Variants in EDC4 observed in about 807,000 individuals in gnomAD.
EDC4 encodes the protein enhancer of mRNA-decapping protein 4.
Under a neutral mutation model 155.8 loss-of-function variants are expected in EDC4, and 64 were observed. That is an observed-to-expected ratio of 0.41 (90% CI 0.34 to 0.51). EDC4 has a LOEUF of 0.51. EDC4 is among the 20% of genes least tolerant of loss of function. The probability of loss-of-function intolerance (pLI) is 0.19; values close to 1 mark genes in which losing one functional copy is unlikely to be tolerated. For synonymous variants in EDC4, 684 were observed against 716.8 expected (o/e 0.95, Z 0.73); for missense variants, 1,303 against 1,812.5 (o/e 0.72, Z 5.10).
In EDC4 at chr16:67,883,451, C is replaced by T. The variant is rs1292388030; in HGVS notation, c.3850-117C>T. On this transcript the variant is annotated intron_variant, in intron 27 of 28. Coordinates refer to ENST00000358933, the MANE Select transcript of EDC4 (RefSeq NM_014329.5). This position sits in a 1 kb window ranked among gnomAD's most constrained non-coding sequence, Gnocchi z 5.3. ...AGCCCTACAGGCTCTCTCTGAGTCC[C>T]TCTGGAGCTCTCACTAGCCCACCCT... is the stretch of plus-strand genomic sequence containing the variant. The T allele has an allele frequency of 2.7e-6, 4 of 1,482,348 alleles. No homozygotes were observed. In the African/African-American group the frequency reaches 5.5e-5, roughly 20 times the overall value. 91.8% of individuals were successfully genotyped at this position (1,482,348 alleles called of 1,614,324 possible). A position where few individuals can be genotyped will look rare whatever the true frequency, so the allele number is the denominator to read the frequency against.
chr16:67,883,208 C>G lies in EDC4; in HGVS notation c.3849+31C>G, dbSNP rs779536697. 1 of 1,529,908 alleles carries G rather than the reference C, an allele frequency of 6.5e-7. No homozygotes were observed. 94.8% of individuals were successfully genotyped at this position (1,529,908 alleles called of 1,614,324 possible). On this transcript the variant is annotated intron_variant, in intron 27 of 28. Transcript: ENST00000358933. The surrounding 1 kb of genome is among the most constrained non-coding windows in gnomAD (Gnocchi z 5.3). ...ATAGGCATTAGGCCCTGCTAAGGGTCACGTGTCTCTTGACAAGGCCCACAT... is the reference window on the plus strand; with the variant it reads ...ATAGGCATTAGGCCCTGCTAAGGGTGACGTGTCTCTTGACAAGGCCCACAT...
Position 67,882,380 on chromosome 16 carries a change from G to A in EDC4, c.3277-49G>A. ...AGGTGGTGGTTCCTGGGCCTAGTCA[G>A]GCCAGGCTGGGCTCAGGCTTTCAAC... is the stretch of plus-strand genomic sequence containing the variant. On this transcript the variant is annotated intron_variant, in intron 24 of 28. Coordinates refer to ENST00000358933, the MANE Select transcript of EDC4 (RefSeq NM_014329.5). This position sits in a 1 kb window ranked among gnomAD's most constrained non-coding sequence, Gnocchi z 7.2. The A allele has an allele frequency of 1.2e-6, 2 of 1,612,832 alleles. No homozygotes were observed.
In EDC4 at chr16:67,883,791, C is replaced by G; in HGVS notation, c.4013+60C>G. On this transcript the variant is annotated intron_variant, in intron 28 of 28. Transcript: ENST00000358933. The surrounding 1 kb of genome is among the most constrained non-coding windows in gnomAD (Gnocchi z 5.3). ...TGGGGAGTGGGGCAGTGGGAGGGAG[C>G]AGTTTGAAGCTGACGCCCACTTCTG... 1 of 1,584,330 alleles carries G rather than the reference C, an allele frequency of 6.3e-7. No individual in the cohort carries two copies. The highest frequency in any genetic ancestry group is 8.6e-7 in the Non-Finnish European group (1 of 1,158,182).
intron 1 of EDC4, chr16:67,875,736 A>G (rs2058038751): frequency 2.9e-6 from 4 of 1,372,488 alleles, no homozygotes; most frequent in Non-Finnish European, 3.8e-6. Flanking sequence ...CCCCTCCCCC[A>G]GGTAGAAGAG....
chr16:67,875,650 C>T (rs1297144705), intron 1 of EDC4: 4 of 1,023,260 alleles, frequency 3.9e-6, no homozygotes, highest in African/African-American at 3.3e-5. Context: ...TATGCCCTCA[C>T]TCAGTCCACA....
chr16:67,881,949 C>T lies in EDC4; in HGVS notation c.3005-5C>T, dbSNP rs771211408. On this transcript the variant is annotated splice_polypyrimidine_tract_variant and splice_region_variant and intron_variant, in intron 22 of 28. Transcript: ENST00000358933. This position sits in a 1 kb window ranked among gnomAD's most constrained non-coding sequence, Gnocchi z 5.4. The stretch of plus-strand genomic sequence containing the variant: ...CTCCAGGCCCGTTCCTTAGCTATGG[C>T]GCAGAGCGGCGGCTGGAGCGAGCAC... 2.1e-5 allele frequency: 34 copies of T among 1,606,402 alleles called. No individual in the cohort carries two copies. In the South Asian group the frequency reaches 3.5e-4, roughly 17 times the overall value.
chr16:67,881,486 G>A lies in EDC4; in HGVS notation c.2790-11G>A. Reference sequence around the variant, plus strand: ...CCTCACATAGCCTGAGGTGCTTCTCGCCTATGGCAGGGATGCAGCCATGGG... The same window carrying A: ...CCTCACATAGCCTGAGGTGCTTCTCACCTATGGCAGGGATGCAGCCATGGG... On this transcript the variant is annotated splice_polypyrimidine_tract_variant and intron_variant, in intron 20 of 28. Transcript: ENST00000358933. The surrounding 1 kb of genome is among the most constrained non-coding windows in gnomAD (Gnocchi z 5.4). The A allele has an allele frequency of 1.9e-6, 3 of 1,614,116 alleles. No homozygotes were observed. Among genetic ancestry groups the A allele is most frequent in the Non-Finnish European group, 1.7e-6 (2 of 1,180,026 alleles).
chr16:67,878,207 G>A lies in EDC4; in HGVS notation c.936G>A (p.Leu312=), dbSNP rs763618971. The change falls in exon 8 of 29, where the codon CTG becomes CTA. Residue 312 remains leucine, a synonymous_variant. Transcript: ENST00000358933. This position sits in a 1 kb window ranked among gnomAD's most constrained non-coding sequence, Gnocchi z 5.2. ...CCCTCTCTCCTGATGGGACTGTGCTGGCTACTGCGAGCCACGATGGCTATG... is the reference window on the plus strand; with the variant it reads ...CCCTCTCTCCTGATGGGACTGTGCTAGCTACTGCGAGCCACGATGGCTATG... ...EGALSPDGTV[L]ATASHDGYVK... is the part of the protein sequence containing the mutation. The A allele has an allele frequency of 1.9e-6, 3 of 1,614,164 alleles. No homozygotes were observed. Among genetic ancestry groups the A allele is most frequent in the Non-Finnish European group, 8.5e-7 (1 of 1,180,036 alleles).
chr16:67,877,265 C>T lies in EDC4; in HGVS notation c.500C>T (p.Ser167Leu), dbSNP rs1488752541. 3.1e-6 allele frequency: 5 copies of T among 1,614,182 alleles called. No individual in the cohort carries two copies. The highest frequency in any genetic ancestry group is 1.7e-5 in the Admixed American group (1 of 60,028). ...GTGCGGGTGATCAGCGTCAGCACTT[C>T]GGAGCGGACCTTGCTCAAGGGCTTC... ...AMVRVISVST[S>L]ERTLLKGFTG... Residue 167 changes from serine (S) to leucine (L), a missense_variant, in exon 5 of 29, where the codon TCG becomes TTG. Physicochemically the swap from Ser to Leu is moderately radical, Grantham distance 145. This residue lies in a region of EDC4 where 51 missense variants were observed against 121.1 expected (regional missense o/e 0.42). Transcript: ENST00000358933. The surrounding 1 kb of genome is among the most constrained non-coding windows in gnomAD (Gnocchi z 4.9).
Position 67,879,334 on chromosome 16 carries a change from G to A in EDC4, c.1541+25G>A. On this transcript the variant is annotated intron_variant, in intron 13 of 28. Transcript: ENST00000358933. This position sits in a 1 kb window ranked among gnomAD's most constrained non-coding sequence, Gnocchi z 6.0. Reference sequence around the variant, plus strand: ...AGTGAGTGAGTGGGGAGGCCCGCCAGTGTCCTGTCTGTGTCTGTCTCCACT... The same window carrying A: ...AGTGAGTGAGTGGGGAGGCCCGCCAATGTCCTGTCTGTGTCTGTCTCCACT... 1 of 1,614,228 alleles carries A rather than the reference G, an allele frequency of 6.2e-7. No homozygotes were observed. The highest frequency in any genetic ancestry group is 1.1e-5 in the South Asian group (1 of 91,092).
chr16:67,878,543 T>C lies in EDC4; in HGVS notation c.1096T>C (p.Phe366Leu). 1 of 1,614,222 alleles carries C rather than the reference T, an allele frequency of 6.2e-7. No individual in the cohort carries two copies. Among genetic ancestry groups the C allele is most frequent in the Non-Finnish European group, 8.5e-7 (1 of 1,180,028 alleles). The change falls in exon 10 of 29, where the codon TTC (phenylalanine) becomes CTC (leucine). Residue 366 changes from phenylalanine to leucine, a missense_variant. Transcript: ENST00000358933. This position sits in a 1 kb window ranked among gnomAD's most constrained non-coding sequence, Gnocchi z 5.2. ...TGCCTTGTTGCCTTGCAGTGTCCCT[T>C]TCTGGAGGTTCCTTATTACTGGTGC... ...NHKKQDPDVP[F>L]WRFLITGADQ...
At position 67,877,247 on chromosome 16, in the gene EDC4, T is replaced by TC; in HGVS notation, c.482_483insC (p.Ile162AspfsTer20). On this transcript the variant is annotated frameshift_variant, in exon 5 of 29. Coordinates refer to ENST00000358933, the MANE Select transcript of EDC4 (RefSeq NM_014329.5). LOFTEE classifies it high-confidence loss of function. This position sits in a 1 kb window ranked among gnomAD's most constrained non-coding sequence, Gnocchi z 4.9. ...AACAATGGCTCTGCCATGGTGCGGG[T>TC]GATCAGCGTCAGCACTTCGGAGCGG... 1 of 1,614,082 alleles carries TC rather than the reference T, an allele frequency of 6.2e-7. No individual in the cohort carries two copies. The highest frequency in any genetic ancestry group is 8.5e-7 in the Non-Finnish European group (1 of 1,179,976).
chr16:67,884,006 G>A lies in EDC4; in HGVS notation c.4064G>A (p.Arg1355Gln), dbSNP rs756295870. The change falls in exon 29 of 29, where the codon CGG becomes CAG. Residue 1355 changes from arginine to glutamine, a missense_variant. Arg to Gln is a conservative substitution (Grantham distance 43). This residue lies in a region of EDC4 where 527 missense variants were observed against 757.0 expected (regional missense o/e 0.70). Coordinates refer to ENST00000358933, the MANE Select transcript of EDC4 (RefSeq NM_014329.5). This position sits in a 1 kb window ranked among gnomAD's most constrained non-coding sequence, Gnocchi z 4.1. Reference protein sequence around the residue: ...MHLDHSDPITRDHMGSVMAQV... With the variant: ...MHLDHSDPITQDHMGSVMAQV... Reference sequence around the variant, plus strand: ...CTGGACCACAGTGACCCCATCACTCGGGACCACATGGGCTCCGTTATGGCC... The same window carrying A: ...CTGGACCACAGTGACCCCATCACTCAGGACCACATGGGCTCCGTTATGGCC... 4.3e-6 allele frequency: 7 copies of A among 1,613,872 alleles called. No homozygotes were observed. Among genetic ancestry groups the A allele is most frequent in the East Asian group, 2.2e-5 (1 of 44,878 alleles).
In EDC4 at chr16:67,880,745, G is replaced by T; in HGVS notation, c.2286G>T (p.Glu762Asp). Reference protein sequence around the residue: ...LSRGFGSSAPEGLEPDSMASA... With the variant: ...LSRGFGSSAPDGLEPDSMASA... ...GTGGTTTTGGCTCCTCTGCACCAGAGGGCCTTGAGCCAGACAGTATGGCTT... is the reference window on the plus strand; with the variant it reads ...GTGGTTTTGGCTCCTCTGCACCAGATGGCCTTGAGCCAGACAGTATGGCTT... Residue 762 changes from glutamate to aspartate, a missense_variant, in exon 18 of 29, where the codon GAG becomes GAT. By Grantham distance (45) the Glu-to-Asp change is conservative (BLOSUM62 2). This residue lies in a region of EDC4 where 391 missense variants were observed against 445.4 expected (regional missense o/e 0.88). Coordinates refer to ENST00000358933, the MANE Select transcript of EDC4 (RefSeq NM_014329.5). The surrounding 1 kb of genome is among the most constrained non-coding windows in gnomAD (Gnocchi z 5.2). 1 of 1,614,202 alleles carries T rather than the reference G, an allele frequency of 6.2e-7. No individual in the cohort carries two copies. Among genetic ancestry groups the T allele is most frequent in the Non-Finnish European group, 8.5e-7 (1 of 1,180,040 alleles).
chr16:67,882,604 GTCATA>G lies in EDC4; in HGVS notation c.3442+12_3442+16del. On this transcript the variant is annotated intron_variant, in intron 25 of 28. Coordinates refer to ENST00000358933, the MANE Select transcript of EDC4 (RefSeq NM_014329.5). The surrounding 1 kb of genome is among the most constrained non-coding windows in gnomAD (Gnocchi z 7.2). ...CTGGGGACACAGGAATGTGAGTGGG[GTCATA>G]TGGCCCAAGGTGGGAGGGGTTATCC... is the stretch of plus-strand genomic sequence containing the variant. The G allele has an allele frequency of 6.2e-7, 1 of 1,614,222 alleles. No individual in the cohort carries two copies. The highest frequency in any genetic ancestry group is 8.5e-7 in the Non-Finnish European group (1 of 1,180,040).
Position 67,879,250 on chromosome 16 carries a change from A to G in EDC4, c.1482A>G (p.Gly494=). The change falls in exon 13 of 29, where the codon GGA becomes GGG. Residue 494 remains glycine (G), a synonymous_variant. Coordinates refer to ENST00000358933, the MANE Select transcript of EDC4 (RefSeq NM_014329.5). This position sits in a 1 kb window ranked among gnomAD's most constrained non-coding sequence, Gnocchi z 6.0. ...CTGTCCTTTCAGATGGTACCCATGG[A>G]GCCGGTGCCATGGAGTCTGCGGCCG... The part of the protein sequence containing the change: ...NDSLGADGTH[G]AGAMESAAGV... 6.2e-7 allele frequency: 1 copy of G among 1,614,084 alleles called. No individual in the cohort carries two copies. The highest frequency in any genetic ancestry group is 8.5e-7 in the Non-Finnish European group (1 of 1,180,006).
chr16:67,877,920 C>A lies in EDC4; in HGVS notation c.894+75C>A. The A allele has an allele frequency of 6.3e-7, 1 of 1,580,952 alleles. No homozygotes were observed. The highest frequency in any genetic ancestry group is 2.3e-5 in the East Asian group (1 of 43,580). On this transcript the variant is annotated intron_variant, in intron 7 of 28. Coordinates refer to ENST00000358933, the MANE Select transcript of EDC4 (RefSeq NM_014329.5). This position sits in a 1 kb window ranked among gnomAD's most constrained non-coding sequence, Gnocchi z 4.9. The stretch of plus-strand genomic sequence containing the variant: ...CATCTTCTGTTCCCTATATCCACAG[C>A]TGCCCGGGCAGCTTTACTAGCATTC...
chr16:67,877,588 A>G lies in EDC4; in HGVS notation c.721A>G (p.Ile241Val), dbSNP rs2058047147. ...TCGCAGGATCATCTGGTGCCCCTTCATCCCTGAGGAGAGCGAAGACTGCTG... is the reference window on the plus strand; with the variant it reads ...TCGCAGGATCATCTGGTGCCCCTTCGTCCCTGAGGAGAGCGAAGACTGCTG... ...HFRRIIWCPFIPEESEDCCEE... is the reference protein window; with the variant it reads ...HFRRIIWCPFVPEESEDCCEE... The change falls in exon 6 of 29, where the codon ATC (isoleucine) becomes GTC (valine). Residue 241 changes from isoleucine (I) to valine (V), a missense_variant. This residue lies in a region of EDC4 where 235 missense variants were observed against 367.7 expected (regional missense o/e 0.64). Coordinates refer to ENST00000358933, the MANE Select transcript of EDC4 (RefSeq NM_014329.5). This position sits in a 1 kb window ranked among gnomAD's most constrained non-coding sequence, Gnocchi z 4.9. The G allele has an allele frequency of 6.2e-7, 1 of 1,614,080 alleles. No individual in the cohort carries two copies. Among genetic ancestry groups the G allele is most frequent in the African/African-American group, 1.3e-5 (1 of 74,934 alleles).
chr16:67,879,371 TG>T lies in EDC4; in HGVS notation c.1542-40del, dbSNP rs1177383683. ...TGTCTGTCTCCACTCTACTGACCCT[TG>T]CCCTTGGAGCACTTTATTCTCCCCC... is the stretch of plus-strand genomic sequence containing the variant. On this transcript the variant is annotated intron_variant, in intron 13 of 28. Transcript: ENST00000358933. The surrounding 1 kb of genome is among the most constrained non-coding windows in gnomAD (Gnocchi z 6.0). 1.9e-6 allele frequency: 3 copies of T among 1,614,090 alleles called. No homozygotes were observed. In the African/African-American group the frequency reaches 4.0e-5, roughly 22 times the overall value.
Sources: allele counts gnomAD v4.1 joint callset, GRCh38; gene constraint gnomAD v4.1.1; regional missense constraint gnomAD v4.1.1; non-coding constraint Gnocchi (gnomAD v3.1); transcripts MANE v1.5; gene names NCBI Gene and HGNC (gene_info 2026-07-23, HGNC 2026-07-21).